SUGP2: variants seen among roughly 807,000 people sequenced by gnomAD.
SUGP2 encodes SURP and G-patch domain containing 2.
SUGP2 carries 24 observed loss-of-function variants against 90.5 expected under a neutral mutation model. That is an observed-to-expected ratio of 0.27 (90% CI 0.19 to 0.37). The LOEUF (loss-of-function observed/expected upper bound fraction) is 0.37, where lower values mean the gene tolerates loss of function less well. SUGP2 is among the 10% of genes least tolerant of loss of function. The pLI is 1.00. For missense variants in SUGP2, 1,233 were observed against 1,363.3 expected (o/e 0.90, Z 1.51); for synonymous variants, 473 against 513.4 (o/e 0.92, Z 1.06).
chr19:18,994,172 G>A (rs907463491), intron 10 of SUGP2, 194 bp downstream of exon 10: 38 of 743,774 alleles, frequency 5.1e-5, no homozygotes, highest in Non-Finnish European at 7.6e-5. Flanking sequence ...TGCTCCTTCA[G>A]CAAACCTGGA....
chr19:19,032,132 G>A (rs910018541), intron 1 of SUGP2, among the ~76,000 whole-genome samples: 2 of 151,330 alleles, frequency 1.3e-5, no homozygotes, highest in South Asian at 2.1e-4. Flanking sequence ...CTCGCAAATC[G>A]TGGTTAGGAA....
Position 19,025,758 on chromosome 19 carries a change from C to T in SUGP2, c.590G>A (p.Gly197Glu), listed in dbSNP as rs1166442500. ...GCCCCTAAGCACAGAGTCAGCCTCC[C>T]CAGGATGGTCCACGTCATAATCCCG... ...ESRDYDVDHP[G>E]EADSVLRGGS... Residue 197 changes from glycine to glutamate, a missense_variant, in exon 3 of 11, where the codon GGG (glycine) becomes GAG (glutamate). Physicochemically the swap from Gly to Glu is moderately conservative, Grantham distance 98. This residue lies in a region of SUGP2 where 418 missense variants were observed against 399.9 expected (regional missense o/e 1.05). Coordinates refer to ENST00000452918, the MANE Select transcript of SUGP2 (RefSeq NM_001017392.5). 1 of 1,613,972 alleles carries T rather than the reference C, an allele frequency of 6.2e-7. No homozygotes were observed. The highest frequency in any genetic ancestry group is 8.5e-7 in the Non-Finnish European group (1 of 1,179,994).
chr19:18,995,257 G>A lies in SUGP2; in HGVS notation c.3015C>T (p.Ala1005=). 1 of 1,611,124 alleles carries A rather than the reference G, an allele frequency of 6.2e-7. No individual in the cohort carries two copies. The highest frequency in any genetic ancestry group is 8.5e-7 in the Non-Finnish European group (1 of 1,179,200). The change falls in exon 9 of 11, where the codon GCC becomes GCT. Residue 1005 remains alanine, a synonymous_variant. Coordinates refer to ENST00000452918, the MANE Select transcript of SUGP2 (RefSeq NM_001017392.5). The part of the protein sequence containing the change: ...KKKKPKDLDF[A]QQKLTDKNLG... ...GGTTCTTATCGGTCAGCTTCTGCTGGGCGAAGTCCAAGTCCTTGGGTTTCT... is the reference window on the plus strand; with the variant it reads ...GGTTCTTATCGGTCAGCTTCTGCTGAGCGAAGTCCAAGTCCTTGGGTTTCT...
chr19:19,000,911 C>T (rs544934294), intron 8 of SUGP2, among the ~76,000 whole-genome samples: 1 of 152,056 alleles, frequency 6.6e-6, no homozygotes, highest in South Asian at 2.1e-4. Flanking sequence ...TTGCCTATTG[C>T]CCAGGCTGGT....
chr19:19,025,924 C>T lies in SUGP2; in HGVS notation c.424G>A (p.Gly142Ser), dbSNP rs1336648035. The T allele has an allele frequency of 6.2e-7, 1 of 1,614,162 alleles. No individual in the cohort carries two copies. Among genetic ancestry groups the T allele is most frequent in the South Asian group, 1.1e-5 (1 of 91,084 alleles). ...TGGCCAAAGTCTTGTTCCCAAGAAC[C>T]ACGGAGCGCAAATTTCCAGTCCTGA... ...RSQDWKFALR[G>S]SWEQDFGHPV... Residue 142 changes from glycine to serine, a missense_variant, in exon 3 of 11, where the codon GGT becomes AGT. This residue lies in a region of SUGP2 where 418 missense variants were observed against 399.9 expected (regional missense o/e 1.05). Coordinates refer to ENST00000452918, the MANE Select transcript of SUGP2 (RefSeq NM_001017392.5).
At chr19:18,998,251 T>G (rs2057689354) in intron 8 of SUGP2, among the ~76,000 whole-genome samples, 1 of 152,246 alleles carries the variant, frequency 6.6e-6, no homozygotes, top group African/African-American at 2.4e-5. Flanking sequence ...CATAATGTTT[T>G]ATATGGCTCC....
At chr19:18,996,629 T>C (rs1009730040) in intron 8 of SUGP2, among the ~76,000 whole-genome samples, 4 of 152,134 alleles carry the variant, frequency 2.6e-5, no homozygotes. Context: ...CTCAACTCAT[T>C]GTAACCTCCG....
At chr19:18,994,538 T>C in intron 9 of SUGP2, 52 bp from the exon 10 acceptor site, 1 of 1,600,864 alleles carries the variant, frequency 6.2e-7, no homozygotes, top group Non-Finnish European at 8.5e-7. Context: ...GGGCCTGGCA[T>C]GCCAGGAACT....
At chr19:19,003,292 C>T (rs1362029814) in intron 7 of SUGP2, among the ~76,000 whole-genome samples, 2 of 152,212 alleles carry the variant, frequency 1.3e-5, no homozygotes, top group Non-Finnish European at 2.9e-5. Context: ...TTAACACAGT[C>T]CCACAATGGG....
rs958799428 is a variant in SUGP2, at chr19:19,031,050, G to C, written c.22C>G (p.Gln8Glu). 1.2e-6 allele frequency: 2 copies of C among 1,613,026 alleles called. No homozygotes were observed. Among genetic ancestry groups the C allele is most frequent in the African/African-American group, 2.7e-5 (2 of 74,824 alleles). ...TGTAATACAGCATCAAAAGTCTCCT[G>C]TGTAATTCGTCTGGCTGCCATGTTA... The part of the protein sequence containing the change: MAARRIT[Q>E]ETFDAVLQEK... The change falls in exon 2 of 11, where the codon CAG becomes GAG. Residue 8 changes from glutamine to glutamate, a missense_variant. Transcript: ENST00000452918.
intron 8 of SUGP2, among the ~76,000 whole-genome samples, chr19:19,000,434 TC>T (rs1157184244): frequency 6.6e-6 from 1 of 152,228 alleles, no homozygotes; most frequent in Non-Finnish European, 1.5e-5. Context: ...TGCTGCTGCC[TC>T]CAGGTGGACA....
At chr19:19,029,424 GCGCC>G (rs2059058800) in intron 2 of SUGP2, among the ~76,000 whole-genome samples, 1 of 144,526 alleles carries the variant, frequency 6.9e-6, no homozygotes, top group Non-Finnish European at 1.5e-5. Context: ...TTGAGCCACT[GCGCC>G]CGGCCATTTT....
At chr19:18,994,261 C>A in intron 10 of SUGP2, 105 bp downstream of exon 10, 1 of 1,461,334 alleles carries the variant, frequency 6.8e-7, no homozygotes, top group Non-Finnish European at 9.3e-7. Flanking sequence ...TTGTGTGTGG[C>A]ATTTTTGGGG....
intron 6 of SUGP2, among the ~76,000 whole-genome samples, chr19:19,008,040 A>C (rs1483078905): frequency 6.6e-6 from 1 of 152,070 alleles, no homozygotes; most frequent in Admixed American, 6.5e-5. Context: ...GCTCAGCTGA[A>C]GTGAAGTCAT....
intron 2 of SUGP2, among the ~76,000 whole-genome samples, chr19:19,028,987 G>A (rs138558607): frequency 5.9e-5 from 9 of 151,986 alleles, no homozygotes; most frequent in East Asian, 5.8e-4. Flanking sequence ...GCACCTGGCC[G>A]TCTTTTTTTG....
intron 2 of SUGP2, 139 bp from the exon 3 acceptor site, chr19:19,026,365 C>T: frequency 1.3e-6 from 1 of 770,606 alleles, no homozygotes. Flanking sequence ...TTTTGCCAAT[C>T]TGTATTTGCT....
upstream of SUGP2, chr19:19,033,609 C>A (rs2059288094): frequency 8.5e-7 from 1 of 1,178,914 alleles, no homozygotes; most frequent in Non-Finnish European, 1.0e-6. Context: ...CGCCGCGGCC[C>A]GGCTCTCTTG....
intron 8 of SUGP2, among the ~76,000 whole-genome samples, chr19:18,997,780 C>G (rs1298184148): frequency 1.8e-4 from 14 of 77,198 alleles, no homozygotes; most frequent in Non-Finnish European, 3.5e-4. Flanking sequence ...GAGACTCCGT[C>G]TCAAAAAAAA....
intron 8 of SUGP2, among the ~76,000 whole-genome samples, chr19:18,997,800 A>AAAAAG (rs2057670053): frequency 3.4e-5 from 5 of 147,832 alleles, no homozygotes; most frequent in African/African-American, 7.8e-5. Flanking sequence ...AAAAAAAAAA[A>AAAAAG]AAAGAAAGAA....
Sources: gnomAD v4.1 joint callset for allele counts (sites outside exome capture counted in the v4.1 genomes callset) on GRCh38, gnomAD v4.1.1 for gene constraint, gnomAD v4.1.1 regional missense constraint, MANE v1.5 for transcripts, NCBI Gene and HGNC (gene_info 2026-07-23, HGNC 2026-07-21) for gene names.